The following VWF variants were observed in gnomAD, a reference collection of about 807,000 sequenced individuals.
VWF encodes the protein Factor VIII related antigen.
A neutral mutation model predicts 308.6 loss-of-function variants in VWF; 176 were observed. The observed-to-expected ratio is 0.57, with a 90% CI of 0.50 to 0.65. VWF has a LOEUF of 0.65. VWF is among the 30% of genes least tolerant of loss of function. VWF has a pLI of 0.00. For missense variants in VWF, 3,146 were observed against 3,648.2 expected (o/e 0.86, Z 3.55); for synonymous variants, 1,385 against 1,443.4 (o/e 0.96, Z 0.92).
intron 38 of VWF, among the ~76,000 whole-genome samples, chr12:5,991,208 CAT>C (rs1565821795): frequency 4.5e-5 from 3 of 66,426 alleles, no homozygotes; most frequent in Non-Finnish European, 7.2e-5. Context: ...CACACACACG[CAT>C]GCACACACAC....
intron 42 of VWF, among the ~76,000 whole-genome samples, chr12:5,980,749 C>T (rs944280249): frequency 1.3e-5 from 2 of 150,822 alleles, no homozygotes; most frequent in Non-Finnish European, 3.0e-5. Context: ...GCATTCCAGA[C>T]AAATAAAGAT....
rs1276827069 is a variant in VWF, at chr12:6,103,435, T to C, written c.532+6939A>G. Among the ~76,000 whole-genome samples the C allele has an allele frequency of 2.4e-5, 3 of 127,440 alleles. No individual in the cohort carries two copies. The East Asian group carries it at 6.2e-4, about 27-fold the overall frequency. 83.6% of individuals were successfully genotyped at this position (127,440 alleles called of 152,430 possible). ...ACACACGTGTGTGTATACACACGTGTGTATATACATACACATATATGTGTA... is the reference window on the plus strand; with the variant it reads ...ACACACGTGTGTGTATACACACGTGCGTATATACATACACATATATGTGTA... On this transcript the variant is annotated intron_variant, in intron 5 of 51. Transcript: ENST00000261405.
At chr12:6,118,457 G>A (rs1230580651) in intron 3 of VWF, among the ~76,000 whole-genome samples, 5 of 142,356 alleles carry the variant, frequency 3.5e-5, no homozygotes, top group African/African-American at 1.1e-4. Context: ...GCGCAATCTC[G>A]GCTCACAGCA....
chr12:6,068,701 T>C (rs112289363), intron 10 of VWF, among the ~76,000 whole-genome samples: 4,301 of 152,104 alleles, frequency 0.028, 194 homozygotes, highest in African/African-American at 0.096. Flanking sequence ...ATTGGCCAGG[T>C]TGGTCTCAAA....
chr12:5,950,928 A>G (rs756426221), intron 50 of VWF, among the ~76,000 whole-genome samples: 4 of 152,228 alleles, frequency 2.6e-5, no homozygotes, highest in Non-Finnish European at 5.9e-5. Flanking sequence ...ACATGCTTTC[A>G]GAGTGCTTCC....
At chr12:6,062,887 C>T in intron 13 of VWF, 67 bp downstream of exon 13, 1 of 1,348,220 alleles carries the variant, frequency 7.4e-7, no homozygotes, top group Non-Finnish European at 1.0e-6. Flanking sequence ...GCCATTCTAC[C>T]CAGAGCACAA....
Position 6,057,988 on chromosome 12 carries a change from G to A in VWF, c.1590C>T (p.Asn530=). 6.2e-7 allele frequency: 1 copy of A among 1,613,594 alleles called. No homozygotes were observed. Among genetic ancestry groups the A allele is most frequent in the Non-Finnish European group, 8.5e-7 (1 of 1,180,040 alleles). ...TCGLCGNYNG[N]QGDDFLTPSG... is the part of the protein sequence containing the mutation. The stretch of plus-strand genomic sequence containing the variant: ...AGGGGGTAAGGAAGTCGTCGCCCTG[G>A]TTGCCATTGTAATTCCCACACAGGC... Residue 530 remains asparagine (N), a synonymous_variant, in exon 14 of 52, where the codon AAC becomes AAT. Coordinates refer to ENST00000261405, the MANE Select transcript of VWF (RefSeq NM_000552.5).
At chr12:6,055,761 TACACACACACACAC>T (rs35414262) in intron 15 of VWF, among the ~76,000 whole-genome samples, 1 of 135,246 alleles carries the variant, frequency 7.4e-6, no homozygotes, top group Non-Finnish European at 1.6e-5. Context: ...TATATATGTA[TACACACACACACAC>T]ACACACACAC....
At position 6,024,910 on chromosome 12, in the gene VWF, G is replaced by C. The variant is rs11063991; in HGVS notation, c.3222+670C>G. ...TGGTGGCAGGTGCCTGTAATCCCAG[G>C]TACTCGGGAGGTTGAGGCAGGAGAA... On this transcript the variant is annotated intron_variant, in intron 24 of 51. Transcript: ENST00000261405. The surrounding 1 kb of genome is among the most constrained non-coding windows in gnomAD (Gnocchi z 4.0). 0.28 allele frequency among the ~76,000 whole-genome samples: 42,818 copies of C among 151,678 alleles called. 6,823 individuals are homozygous for C. The highest frequency in any genetic ancestry group is 0.43 in the African/African-American group (17,567 of 41,316).
At chr12:6,029,631 T>C (rs1944236012) in intron 21 of VWF, 143 bp from the exon 22 acceptor site, 2 of 1,077,992 alleles carry the variant, frequency 1.9e-6, no homozygotes, top group Non-Finnish European at 2.7e-6. Context: ...CACCTGCCAC[T>C]GCACCCCTGC....
In VWF at chr12:6,057,953, G is replaced by A. The variant is rs141649383; in HGVS notation, c.1625C>T (p.Ala542Val). 3 of 1,613,708 alleles carry A rather than the reference G, an allele frequency of 1.9e-6. No individual in the cohort carries two copies. The highest frequency in any genetic ancestry group is 2.5e-6 in the Non-Finnish European group (3 of 1,180,020). ...GDDFLTPSGL[A>V]EPRVEDFGNA... is the part of the protein sequence containing the mutation. ...CCCGAAGTCCTCCACCCGGGGCTCC[G>A]CCAGCCCAGAGGGGGTAAGGAAGTC... Residue 542 changes from alanine (A) to valine (V), a missense_variant, in exon 14 of 52, where the codon GCG (alanine) becomes GTG (valine). Transcript: ENST00000261405.
Position 5,969,381 on chromosome 12 carries a change from T to C in VWF, c.7559A>G (p.Gln2520Arg). 1 of 1,614,202 alleles carries C rather than the reference T, an allele frequency of 6.2e-7. No individual in the cohort carries two copies. Residue 2520 changes from glutamine to arginine, a missense_variant, in exon 45 of 52, where the codon CAG becomes CGG. Physicochemically the swap from Gln to Arg is conservative, Grantham distance 43. Transcript: ENST00000261405. ...SQSSWKSVGS[Q>R]WASPENPCLI... is the part of the protein sequence containing the mutation. ...GCAGGGGTTCTCCGGGGAGGCCCAC[T>C]GGGAGCCGACCTGCAGGGCACCAGA...
intron 34 of VWF, among the ~76,000 whole-genome samples, chr12:5,997,157 T>C (rs1361393806): frequency 6.6e-6 from 1 of 152,034 alleles, no homozygotes; most frequent in Non-Finnish European, 1.5e-5. Context: ...AAATGATGGG[T>C]CTGGAAGCAC....
intron 30 of VWF, 30 bp from the exon 31 acceptor site, chr12:6,016,262 C>T (rs1361659368): frequency 6.2e-7 from 1 of 1,614,174 alleles, no homozygotes; most frequent in African/African-American, 1.3e-5. Flanking sequence ...CACGCCAAGT[C>T]AGTACTGACT....
At chr12:6,103,428 A>ACGTGTGTATATACC (rs1945199352) in intron 5 of VWF, among the ~76,000 whole-genome samples, 1 of 116,336 alleles carries the variant, frequency 8.6e-6, no homozygotes, top group African/African-American at 5.4e-5. Context: ...GTGTGTATAC[A>ACGTGTGTATATACC]CACGTGTGTA....
At chr12:6,014,890 G>A (rs909463903) in intron 31 of VWF, among the ~76,000 whole-genome samples, 5 of 152,202 alleles carry the variant, frequency 3.3e-5, no homozygotes, top group Non-Finnish European at 5.9e-5. Context: ...ACTTGCTCTG[G>A]ATCATATCTG....
Position 6,024,045 on chromosome 12 carries a change from C to T in VWF, c.3223-258G>A, listed in dbSNP as rs761000115. 1.3e-5 allele frequency among the ~76,000 whole-genome samples: 2 copies of T among 152,208 alleles called. No individual in the cohort carries two copies. The highest frequency in any genetic ancestry group is 4.8e-5 in the African/African-American group (2 of 41,444). Reference sequence around the variant, plus strand: ...AGAACACAATGAGCCTGAGGATTTTCCAGAAGAACATTCCCTCTGTCCCTC... The same window carrying T: ...AGAACACAATGAGCCTGAGGATTTTTCAGAAGAACATTCCCTCTGTCCCTC... On this transcript the variant is annotated intron_variant, in intron 24 of 51. Transcript: ENST00000261405. The surrounding 1 kb of genome is among the most constrained non-coding windows in gnomAD (Gnocchi z 4.0).
chr12:5,995,207 T>C (rs909036965), intron 35 of VWF, among the ~76,000 whole-genome samples: 1 of 152,220 alleles, frequency 6.6e-6, no homozygotes, highest in Non-Finnish European at 1.5e-5. Context: ...TTTGTGTGTA[T>C]GTGTGCCACT....
At chr12:5,986,985 T>C (rs1040561160) in intron 38 of VWF, among the ~76,000 whole-genome samples, 2 of 152,222 alleles carry the variant, frequency 1.3e-5, no homozygotes, top group Admixed American at 6.5e-5. Context: ...TGCAGTGCAG[T>C]GGCATGATCT....
Sources: allele counts gnomAD v4.1 joint callset (sites outside exome capture counted in the v4.1 genomes callset), GRCh38; gene constraint gnomAD v4.1.1; non-coding constraint Gnocchi (gnomAD v3.1); transcripts MANE v1.5; gene names NCBI Gene and HGNC (gene_info 2026-07-23, HGNC 2026-07-21).